PHACTR2: variants seen among roughly 807,000 people sequenced by gnomAD.
PHACTR2 encodes chromosome 6 open reading frame 56.
In PHACTR2, 30 loss-of-function variants were observed where a neutral mutation model predicts 76.0. The observed-to-expected ratio is 0.39, with a 90% confidence interval of 0.30 to 0.54. The LOEUF (loss-of-function observed/expected upper bound fraction) is 0.54. Among genes scored for constraint, PHACTR2 ranks in the 20% least tolerant of loss-of-function variants. The pLI, the probability that PHACTR2 is intolerant of heterozygous loss-of-function variation, is 0.61. For synonymous variants in PHACTR2, 292 were observed against 292.5 expected (o/e 1.00, Z 0.02); for missense variants, 696 against 781.1 (o/e 0.89, Z 1.30).
At chr6:143,732,851 CCACCCAG>C (rs1314094419) in intron 2 of PHACTR2, among the ~76,000 whole-genome samples, 2 of 152,050 alleles carry the variant, frequency 1.3e-5, no homozygotes, top group Admixed American at 1.3e-4. Flanking sequence ...TAAAGTAGCT[CCACCCAG>C]CACTTTTGAT....
chr6:143,739,387 C>T lies in PHACTR2; in HGVS notation c.215-9598C>T, dbSNP rs895122324. 2.6e-5 allele frequency among the ~76,000 whole-genome samples: 4 copies of T among 152,160 alleles called. No individual in the cohort carries two copies. Among genetic ancestry groups the T allele is most frequent in the Non-Finnish European group, 5.9e-5 (4 of 68,026 alleles). ...TGCGAGATTCACTTTAAAATCAGTT[C>T]TCTAGCCTGTTCTTTTTGGGACGAG... On this transcript the variant is annotated intron_variant, in intron 2 of 12. Transcript: ENST00000440869. This position sits in a 1 kb window ranked among gnomAD's most constrained non-coding sequence, Gnocchi z 4.3.
chr6:143,690,067 A>G (rs1181610800), intron 1 of PHACTR2, among the ~76,000 whole-genome samples: 1 of 152,234 alleles, frequency 6.6e-6, no homozygotes. Context: ...AACGATAGCT[A>G]AGGCTTGTGG....
chr6:143,705,803 C>G (rs1189427744), intron 1 of PHACTR2, among the ~76,000 whole-genome samples: 1 of 152,178 alleles, frequency 6.6e-6, no homozygotes, highest in African/African-American at 2.4e-5. Flanking sequence ...TGTTTGTCAG[C>G]ATCTTCACCG....
chr6:143,760,265 G>A lies in PHACTR2; in HGVS notation c.455-136G>A, dbSNP rs1012762915. On this transcript the variant is annotated intron_variant, in intron 4 of 12. Transcript: ENST00000440869. This position sits in a 1 kb window ranked among gnomAD's most constrained non-coding sequence, Gnocchi z 6.4. Reference sequence around the variant, plus strand: ...TTGTTTTCACCCTAAACTGTGCTCTGTCTGGTGCAGAACTCCATGCTGATT... The same window carrying A: ...TTGTTTTCACCCTAAACTGTGCTCTATCTGGTGCAGAACTCCATGCTGATT... The A allele has an allele frequency of 1.4e-6, 1 of 730,150 alleles. No individual in the cohort carries two copies. The highest frequency in any genetic ancestry group is 1.9e-5 in the South Asian group (1 of 53,554). The allele number at this position is 730,150 out of a possible 1,614,324, so 45.2% of individuals were successfully genotyped here.
chr6:143,623,917 A>G lies in PHACTR2; in HGVS notation c.13+15595A>G, dbSNP rs1227163035. On this transcript the variant is annotated intron_variant, in intron 1 of 11. Coordinates refer to the PHACTR2 transcript ENST00000305766. The surrounding 1 kb of genome is among the most constrained non-coding windows in gnomAD (Gnocchi z 5.9). ...GTATGATGCACAATATTCTGGGTAC[A>G]CTCAGAGCACCCCCATAATAAGTTG... Among the ~76,000 whole-genome samples the G allele has an allele frequency of 6.6e-6, 1 of 152,164 alleles. No homozygotes were observed. The highest frequency in any genetic ancestry group is 1.5e-5 in the Non-Finnish European group (1 of 68,034).
chr6:143,564,836 C>G (rs1775339504), intron 1 of PHACTR2, among the ~76,000 whole-genome samples: 2 of 152,128 alleles, frequency 1.3e-5, no homozygotes, highest in African/African-American at 4.8e-5. Context: ...AAATGAAAAC[C>G]TTCTATGTGG....
chr6:143,582,723 G>A (rs1582683978), intron 1 of PHACTR2, among the ~76,000 whole-genome samples: 1 of 152,140 alleles, frequency 6.6e-6, no homozygotes, highest in Admixed American at 6.5e-5. Flanking sequence ...AAGAATAAGA[G>A]CAAGATAAGA....
intron 1 of PHACTR2, among the ~76,000 whole-genome samples, chr6:143,686,902 C>T (rs750293225): frequency 6.6e-6 from 1 of 152,186 alleles, no homozygotes; most frequent in Non-Finnish European, 1.5e-5. Context: ...TAATTAAAGT[C>T]ATGAGCTCAC....
chr6:143,734,638 C>T (rs1023561780), intron 2 of PHACTR2, among the ~76,000 whole-genome samples: 1 of 152,182 alleles, frequency 6.6e-6, no homozygotes, highest in Non-Finnish European at 1.5e-5. Context: ...TGTTAACTTG[C>T]TTTCCCTTTT....
chr6:143,586,552 G>A (rs1775631933), intron 1 of PHACTR2, among the ~76,000 whole-genome samples: 1 of 152,224 alleles, frequency 6.6e-6, no homozygotes. Flanking sequence ...AAGAGGCAGT[G>A]TTTCAGCTCC....
Position 143,751,631 on chromosome 6 carries a change from C to G in PHACTR2, c.296-2123C>G, listed in dbSNP as rs1779183359. On this transcript the variant is annotated intron_variant, in intron 3 of 12. Coordinates refer to ENST00000440869, the MANE Select transcript of PHACTR2 (RefSeq NM_001100164.2). The surrounding 1 kb of genome is among the most constrained non-coding windows in gnomAD (Gnocchi z 5.7). ...CGTGTTCCTTATTTAACCACTTGTTCCTGTTTGTGCTTTATCTCTGTTTTC... is the reference window on the plus strand; with the variant it reads ...CGTGTTCCTTATTTAACCACTTGTTGCTGTTTGTGCTTTATCTCTGTTTTC... Among the ~76,000 whole-genome samples the G allele has an allele frequency of 6.6e-6, 1 of 152,078 alleles. No individual in the cohort carries two copies. Among genetic ancestry groups the G allele is most frequent in the African/African-American group, 2.4e-5 (1 of 41,394 alleles).
At chr6:143,604,741 C>A (rs919076005), upstream of PHACTR2, among the ~76,000 whole-genome samples, 1 of 151,654 alleles carries the variant, frequency 6.6e-6, no homozygotes, top group Admixed American at 6.6e-5. Flanking sequence ...ATTAGCCAGG[C>A]GGTGGTGATT....
Position 143,809,714 on chromosome 6 carries a change from G to GTA in PHACTR2, c.1922+2597_1922+2598dup, listed in dbSNP as rs111770800. Among the ~76,000 whole-genome samples, 7,853 of 149,350 alleles carry GTA rather than the reference G, an allele frequency of 0.053. 261 individuals carry two copies. The highest frequency in any genetic ancestry group is 0.074 in the Non-Finnish European group (4,949 of 67,274). ...TGCATTTATAAATGTGTGTATGTGT[G>GTA]TATATATATATATATATTAAATATG... is the stretch of plus-strand genomic sequence containing the variant. On this transcript the variant is annotated intron_variant, in intron 12 of 12. Transcript: ENST00000440869. The surrounding 1 kb of genome is among the most constrained non-coding windows in gnomAD (Gnocchi z 4.2).
At position 143,611,411 on chromosome 6, in the gene PHACTR2, G is replaced by A. The variant is rs1430134124; in HGVS notation, c.13+3089G>A. The stretch of plus-strand genomic sequence containing the variant: ...GCAAAAGAGACTCGAGAGTTATTTG[G>A]AGCCAGACTGAGGAAGGGTTTGGAG... On this transcript the variant is annotated intron_variant, in intron 1 of 11. Coordinates refer to the PHACTR2 transcript ENST00000305766. The surrounding 1 kb of genome is among the most constrained non-coding windows in gnomAD (Gnocchi z 4.4). 6.6e-6 allele frequency among the ~76,000 whole-genome samples: 1 copy of A among 152,208 alleles called. No homozygotes were observed. Among genetic ancestry groups the A allele is most frequent in the African/African-American group, 2.4e-5 (1 of 41,446 alleles).
rs200607544 is a variant in PHACTR2 at position 143,789,001 on chromosome 6, C to T, written c.1845+91C>T. 1.7e-4 allele frequency: 198 copies of T among 1,141,396 alleles called. 2 individuals carry two copies. The East Asian group carries it at 2.5e-3, about 15-fold the overall frequency. 70.7% of individuals were successfully genotyped at this position (1,141,396 alleles called of 1,614,324 possible). A position where few individuals can be genotyped will look rare whatever the true frequency, so the allele number is the denominator to read the frequency against. ...CCCCTACTTAAGTCATCCCAGGGGA[C>T]GAGATCTTACCAAATATTACAACAG... On this transcript the variant is annotated intron_variant, in intron 11 of 12. Transcript: ENST00000440869. This position sits in a 1 kb window ranked among gnomAD's most constrained non-coding sequence, Gnocchi z 5.1.
In PHACTR2 at chr6:143,648,682, A is replaced by T. The variant is rs1421681815; in HGVS notation, c.13+40360A>T. Among the ~76,000 whole-genome samples the T allele has an allele frequency of 2.0e-5, 3 of 152,174 alleles. No individual in the cohort carries two copies. The highest frequency in any genetic ancestry group is 4.4e-5 in the Non-Finnish European group (3 of 68,040). ...AATGTGGCATGCTAGCATAGGGGAA[A>T]GTGTAATTCAGACAGGCAGACTACT... is the stretch of plus-strand genomic sequence containing the variant. On this transcript the variant is annotated intron_variant, in intron 1 of 11. Coordinates refer to the PHACTR2 transcript ENST00000305766. The surrounding 1 kb of genome is among the most constrained non-coding windows in gnomAD (Gnocchi z 6.7).
In PHACTR2 at chr6:143,795,367, T is replaced by A. The variant is rs1775802072; in HGVS notation, c.1845+6457T>A. On this transcript the variant is annotated intron_variant, in intron 11 of 12. Transcript: ENST00000440869. The surrounding 1 kb of genome is among the most constrained non-coding windows in gnomAD (Gnocchi z 4.8). The stretch of plus-strand genomic sequence containing the variant: ...AGTTCAAGACTGCAATGAGCTGTGA[T>A]TGTGCCACTGCACTGCAGCCTGGGC... Among the ~76,000 whole-genome samples the A allele has an allele frequency of 6.6e-6, 1 of 152,232 alleles. No homozygotes were observed. Among genetic ancestry groups the A allele is most frequent in the South Asian group, 2.1e-4 (1 of 4,832 alleles).
chr6:143,794,945 G>C lies in PHACTR2; in HGVS notation c.1845+6035G>C, dbSNP rs1464273641. Among the ~76,000 whole-genome samples, 1 of 152,156 alleles carries C rather than the reference G, an allele frequency of 6.6e-6. No individual in the cohort carries two copies. Among genetic ancestry groups the C allele is most frequent in the Non-Finnish European group, 1.5e-5 (1 of 68,042 alleles). On this transcript the variant is annotated intron_variant, in intron 11 of 12. Coordinates refer to ENST00000440869, the MANE Select transcript of PHACTR2 (RefSeq NM_001100164.2). The surrounding 1 kb of genome is among the most constrained non-coding windows in gnomAD (Gnocchi z 4.1). The stretch of plus-strand genomic sequence containing the variant: ...CATTTTAAAGAGTAGTAGCCAATCA[G>C]TCAGTAATTAATCAATGCCTCTCCT...
rs1179565395 is a variant in PHACTR2 at position 143,783,456 on chromosome 6, C to T, written c.1707+176C>T. Among the ~76,000 whole-genome samples, 1 of 151,924 alleles carries T rather than the reference C, an allele frequency of 6.6e-6. No individual in the cohort carries two copies. The highest frequency in any genetic ancestry group is 1.5e-5 in the Non-Finnish European group (1 of 67,942). ...GCAACATGGTGAAACCCTAGCTCTA[C>T]AAAAAATAAAAAAATTAGCCGGCAT... On this transcript the variant is annotated intron_variant, in intron 10 of 12. Transcript: ENST00000440869. The surrounding 1 kb of genome is among the most constrained non-coding windows in gnomAD (Gnocchi z 5.2).
Sources: gnomAD v4.1 joint callset for allele counts (sites outside exome capture counted in the v4.1 genomes callset) on GRCh38, gnomAD v4.1.1 for gene constraint, Gnocchi (gnomAD v3.1) non-coding constraint, MANE v1.5 for transcripts, NCBI Gene and HGNC (gene_info 2026-07-23, HGNC 2026-07-21) for gene names.